FHIT: variants seen among roughly 807,000 people sequenced by gnomAD.
FHIT encodes fragile histidine triad diadenosine triphosphatase.
Under a neutral mutation model 17.9 loss-of-function variants are expected in FHIT, and 19 were observed. The ratio of observed to expected loss-of-function variants is 1.06; its 90% confidence interval spans 0.74 to 1.56. The LOEUF is 1.56. FHIT is among the 40% of genes most tolerant of loss of function. The pLI is 0.00. For missense variants in FHIT, 248 were observed against 189.2 expected (o/e 1.31, Z -1.82); for synonymous variants, 81 against 69.7 (o/e 1.16, Z -0.81).
intron 5 of FHIT, among the ~76,000 whole-genome samples, chr3:60,507,825 C>A (rs2034795199): frequency 6.6e-6 from 1 of 152,190 alleles, no homozygotes; most frequent in African/African-American, 2.4e-5. Context: ...GCCTCCAGCT[C>A]CATCCATGTC....
chr3:60,788,581 G>C (rs1700662920), intron 4 of FHIT, among the ~76,000 whole-genome samples: 1 of 152,142 alleles, frequency 6.6e-6, no homozygotes. Context: ...GTGGATACTA[G>C]GGGCTGAGGG....
intron 5 of FHIT, among the ~76,000 whole-genome samples, chr3:60,127,147 C>T (rs138152952): frequency 5.1e-4 from 77 of 152,210 alleles, no homozygotes; most frequent in Non-Finnish European, 5.7e-4. Context: ...TTACAAGTGG[C>T]CATCCTCTCT....
intron 8 of FHIT, among the ~76,000 whole-genome samples, chr3:59,787,478 C>CAA (rs35992738): frequency 4.1e-4 from 46 of 111,460 alleles, no homozygotes; most frequent in Non-Finnish European, 5.3e-5. Context: ...GCACAAGGGG[C>CAA]AAAACACACA....
At chr3:59,951,045 T>A (rs191621101) in intron 7 of FHIT, among the ~76,000 whole-genome samples, 2 of 152,224 alleles carry the variant, frequency 1.3e-5, no homozygotes, top group East Asian at 3.8e-4. Flanking sequence ...AAGGCTTTAA[T>A]AGATACTAGT....
intron 2 of FHIT, among the ~76,000 whole-genome samples, chr3:61,134,836 G>C (rs1029305254): frequency 1.3e-5 from 2 of 152,172 alleles, no homozygotes; most frequent in Non-Finnish European, 2.9e-5. Context: ...CTCCAGAACT[G>C]TTCACCTGAA....
At chr3:61,025,836 A>C (rs1198798970) in intron 3 of FHIT, among the ~76,000 whole-genome samples, 1 of 152,196 alleles carries the variant, frequency 6.6e-6, no homozygotes, top group Admixed American at 6.5e-5. Flanking sequence ...CTAGCTCCTA[A>C]GTTTTACTTT....
At chr3:60,261,981 A>G (rs1440085304) in intron 5 of FHIT, among the ~76,000 whole-genome samples, 6 of 152,006 alleles carry the variant, frequency 3.9e-5, no homozygotes, top group Non-Finnish European at 2.9e-5. Flanking sequence ...TCCTCCTATA[A>G]TATTTCTCCC....
chr3:60,117,494 TAAAAAA>T (rs34113926), intron 5 of FHIT, among the ~76,000 whole-genome samples: 4 of 86,766 alleles, frequency 4.6e-5, no homozygotes, highest in South Asian at 9.0e-4. Context: ...ACTTCCTATC[TAAAAAA>T]AAAAAAAAAA....
chr3:60,364,707 G>C (rs1000109212), intron 5 of FHIT, among the ~76,000 whole-genome samples: 2 of 152,202 alleles, frequency 1.3e-5, no homozygotes, highest in Non-Finnish European at 2.9e-5. Context: ...GTATCAGTGA[G>C]GGTGTTTCCA....
intron 4 of FHIT, among the ~76,000 whole-genome samples, chr3:60,584,809 A>C (rs150505785): frequency 2.8e-4 from 43 of 152,064 alleles, no homozygotes; most frequent in Middle Eastern, 3.4e-3. Flanking sequence ...CTACTACTGA[A>C]TGAAGATCCT....
rs116331042 is a variant in FHIT, at chr3:60,822,480, G to A, written c.-110-469C>T. ...GTGGCCAGTTTACTCACTTTCCCTT[G>A]AAACTCTGGTGTCCACAGAATCTGA... On this transcript the variant is annotated intron_variant, in intron 3 of 9. Coordinates refer to ENST00000492590, the MANE Select transcript of FHIT (RefSeq NM_002012.4). Among the ~76,000 whole-genome samples, 1,309 of 152,170 alleles carry A rather than the reference G, an allele frequency of 8.6e-3. 16 individuals carry two copies. Among genetic ancestry groups the A allele is most frequent in the African/African-American group, 0.028 (1,142 of 41,508 alleles).
chr3:61,055,012 G>C (rs2034167945), intron 2 of FHIT, among the ~76,000 whole-genome samples: 1 of 152,134 alleles, frequency 6.6e-6, no homozygotes, highest in African/African-American at 2.4e-5. Flanking sequence ...CTTTGGAACA[G>C]GGCACATTAC....
chr3:60,859,065 G>A (rs1342036565), intron 3 of FHIT, among the ~76,000 whole-genome samples: 3 of 152,138 alleles, frequency 2.0e-5, no homozygotes, highest in African/African-American at 7.2e-5. Flanking sequence ...TAGCGGCTCT[G>A]GAAGTCTAGA....
At chr3:61,205,858 A>G (rs1179154073) in intron 1 of FHIT, among the ~76,000 whole-genome samples, 1 of 149,816 alleles carries the variant, frequency 6.7e-6, no homozygotes, top group Non-Finnish European at 1.5e-5. Flanking sequence ...TTTTAATGCC[A>G]TTGCTTTTGG....
At chr3:61,029,946 C>G (rs541508500) in intron 3 of FHIT, among the ~76,000 whole-genome samples, 1 of 152,240 alleles carries the variant, frequency 6.6e-6, no homozygotes, top group South Asian at 2.1e-4. Flanking sequence ...CACCCTAGAC[C>G]TGAATCAAAA....
intron 5 of FHIT, among the ~76,000 whole-genome samples, chr3:60,271,310 G>C (rs575542088): frequency 1.3e-5 from 2 of 152,144 alleles, no homozygotes; most frequent in African/African-American, 4.8e-5. Context: ...GGCTGAGGCA[G>C]GTGAATCGCT....
intron 4 of FHIT, among the ~76,000 whole-genome samples, chr3:60,791,180 C>T (rs902508504): frequency 6.6e-6 from 1 of 151,992 alleles, no homozygotes; most frequent in Non-Finnish European, 1.5e-5. Context: ...ATCTTTCACC[C>T]CTGTTTCAAA....
chr3:60,544,909 T>G (rs1435019428), intron 4 of FHIT, among the ~76,000 whole-genome samples: 6 of 152,206 alleles, frequency 3.9e-5, no homozygotes. Flanking sequence ...CTTATCTAGT[T>G]TTTGTTATCA....
chr3:61,223,209 C>T (rs915640303), intron 1 of FHIT, among the ~76,000 whole-genome samples: 2 of 152,114 alleles, frequency 1.3e-5, no homozygotes, highest in African/African-American at 4.8e-5. Flanking sequence ...TTCCATTCGA[C>T]AAATTTTCAT....
Sources: allele counts gnomAD v4.1 joint callset (sites outside exome capture counted in the v4.1 genomes callset), GRCh38; gene constraint gnomAD v4.1.1; transcripts MANE v1.5; gene names NCBI Gene and HGNC (gene_info 2026-07-23, HGNC 2026-07-21).